The following OTX1 variants were observed in gnomAD, a reference collection of about 807,000 sequenced individuals.
OTX1 encodes orthodenticle homeobox 1, also known as homeobox protein OTX1.
A neutral mutation model predicts 26.7 loss-of-function variants in OTX1; 7 were observed. The observed-to-expected ratio is 0.26, with a 90% CI of 0.15 to 0.49. The LOEUF is 0.49. OTX1 is among the 20% of genes least tolerant of loss of function. The pLI, the probability that OTX1 is intolerant of heterozygous loss-of-function variation, is 0.98. For missense variants in OTX1, 414 were observed against 483.8 expected (o/e 0.86, Z 1.35); for synonymous variants, 216 against 212.8 (o/e 1.01, Z -0.13).
intron 3 of OTX1, 112 bp from the exon 4 acceptor site, chr2:63,053,935 G>T (rs778923519): frequency 6.3e-6 from 8 of 1,269,196 alleles, no homozygotes; most frequent in Non-Finnish European, 8.5e-6. Context: ...TTCCCAGTTC[G>T]GCTTTCTTTT....
In OTX1 at chr2:63,056,106, G is replaced by A. The variant is rs1481294583; in HGVS notation, c.855G>A (p.Pro285=). The A allele has an allele frequency of 6.2e-7, 1 of 1,613,672 alleles. No individual in the cohort carries two copies. Among genetic ancestry groups the A allele is most frequent in the South Asian group, 1.1e-5 (1 of 91,054 alleles). ...HHHHHPHAHH[P]LSQSSGHHHH... ...ATCACCACCCACATGCGCACCACCC[G>A]TTGAGCCAGTCCTCAGGCCACCACC... Residue 285 remains proline (P), a synonymous_variant, in exon 5 of 5, where the codon CCG becomes CCA. Coordinates refer to ENST00000282549, the MANE Select transcript of OTX1 (RefSeq NM_014562.4).
chr2:63,053,958 A>G, intron 3 of OTX1, 89 bp from the exon 4 acceptor site: 5 of 1,462,094 alleles, frequency 3.4e-6, no homozygotes, highest in Non-Finnish European at 4.6e-6. Flanking sequence ...GAAGGCCGAG[A>G]TCTGGGCCTG....
chr2:63,054,330 T>C (rs2062048516), intron 4 of OTX1, 132 bp downstream of exon 4: 1 of 861,134 alleles, frequency 1.2e-6, no homozygotes, highest in Non-Finnish European at 1.6e-6. Context: ...GCAGCCGCTC[T>C]CGGACTCCCC....
chr2:63,051,018 C>T (rs1477174545), intron 1 of OTX1, 121 bp downstream of exon 1: 2 of 152,462 alleles, frequency 1.3e-5, no homozygotes, highest in Admixed American at 6.5e-5. Context: ...CTCTGCCCCT[C>T]GAATTCCCCC....
At position 63,056,009 on chromosome 2, in the gene OTX1, C is replaced by T; in HGVS notation, c.758C>T (p.Ala253Val). 1 of 1,614,080 alleles carries T rather than the reference C, an allele frequency of 6.2e-7. No individual in the cohort carries two copies. The highest frequency in any genetic ancestry group is 8.5e-7 in the Non-Finnish European group (1 of 1,180,044). The change falls in exon 5 of 5, where the codon GCG becomes GTG. Residue 253 changes from alanine (A) to valine (V), a missense_variant. This residue lies in a region of OTX1 where 320 missense variants were observed against 347.9 expected (regional missense o/e 0.92). Transcript: ENST00000282549. ...GGCGTGGACTGCAGCTCATACCTAGCGCCCATGCACTCACATCACCACCCG... is the reference window on the plus strand; with the variant it reads ...GGCGTGGACTGCAGCTCATACCTAGTGCCCATGCACTCACATCACCACCCG... ...FGGVDCSSYL[A>V]PMHSHHHPHQ... is the part of the protein sequence containing the mutation.
chr2:63,054,655 C>T (rs1235063592), intron 4 of OTX1, among the ~76,000 whole-genome samples: 1 of 152,072 alleles, frequency 6.6e-6, no homozygotes, highest in Non-Finnish European at 1.5e-5. Context: ...CTGCCTGGGT[C>T]TCATTAGACG....
At position 63,056,580 on chromosome 2, in the gene OTX1, T is replaced by C. The variant is rs760658342; in HGVS notation, c.*264T>C. The C allele has an allele frequency of 1.8e-4, 97 of 536,172 alleles. No individual in the cohort carries two copies. Among genetic ancestry groups the C allele is most frequent in the Admixed American group, 6.0e-4 (19 of 31,610 alleles). 33.2% of individuals were successfully genotyped at this position (536,172 alleles called of 1,614,324 possible). ...CATTCTATACAGGAGAGATGTATTA[T>C]TTCCCCCCTTCAGCCCCTACTAAAC... is the stretch of plus-strand genomic sequence containing the variant. On this transcript the variant is annotated 3_prime_UTR_variant, in exon 5 of 5. Coordinates refer to ENST00000282549, the MANE Select transcript of OTX1 (RefSeq NM_014562.4).
chr2:63,056,582 T>TC lies in OTX1; in HGVS notation c.*272dup, dbSNP rs1286949420. Reference sequence around the variant, plus strand: ...TTCTATACAGGAGAGATGTATTATTTCCCCCCTTCAGCCCCTACTAAACTC... The same window carrying TC: ...TTCTATACAGGAGAGATGTATTATTTCCCCCCCTTCAGCCCCTACTAAACTC... On this transcript the variant is annotated 3_prime_UTR_variant, in exon 5 of 5. Transcript: ENST00000282549. 8.2e-5 allele frequency: 43 copies of TC among 526,028 alleles called. No individual in the cohort carries two copies. In the South Asian group the frequency reaches 9.5e-4, roughly 12 times the overall value. 32.6% of individuals were successfully genotyped at this position (526,028 alleles called of 1,614,324 possible).
intron 4 of OTX1, 88 bp downstream of exon 4, chr2:63,054,286 G>C: frequency 7.5e-7 from 1 of 1,327,790 alleles, no homozygotes; most frequent in Non-Finnish European, 9.9e-7. Context: ...AGTTCTTGAG[G>C]AGACCATCCT....
At chr2:63,051,194 C>A (rs1437593965) in intron 1 of OTX1, 55 bp from the exon 2 acceptor site, 2 of 152,490 alleles carry the variant, frequency 1.3e-5, no homozygotes, top group African/African-American at 4.8e-5. Flanking sequence ...AAGAAAGAAA[C>A]CTGGGGGTCC....
At position 63,054,110 on chromosome 2, in the gene OTX1, A is replaced by G; in HGVS notation, c.161A>G (p.Glu54Gly). ...TFTRSQLDVL[E>G]ALFAKTRYPD... ...ACGCGTTCACAGCTGGACGTGCTCG[A>G]GGCGCTCTTCGCCAAGACTCGCTAC... The change falls in exon 4 of 5, where the codon GAG becomes GGG. Residue 54 changes from glutamate to glycine, a missense_variant. Transcript: ENST00000282549. The G allele has an allele frequency of 6.2e-7, 1 of 1,612,206 alleles. No homozygotes were observed. The highest frequency in any genetic ancestry group is 8.5e-7 in the Non-Finnish European group (1 of 1,179,278).
intron 2 of OTX1, 65 bp downstream of exon 2, chr2:63,051,382 T>A (rs1432350110): frequency 1.3e-5 from 2 of 152,220 alleles, no homozygotes; most frequent in African/African-American, 4.8e-5. Context: ...TATCTCCCCC[T>A]CCTCAAATGG....
At chr2:63,051,693 A>T (rs916883748) in intron 2 of OTX1, 4 of 152,702 alleles carry the variant, frequency 2.6e-5, no homozygotes, top group African/African-American at 9.6e-5. Flanking sequence ...GGGTCCCAGA[A>T]GACGGGGGCG....
chr2:63,054,362 G>A (rs1283895571), intron 4 of OTX1, among the ~76,000 whole-genome samples, 164 bp downstream of exon 4: 1 of 152,254 alleles, frequency 6.6e-6, no homozygotes, highest in South Asian at 2.1e-4. Flanking sequence ...CCCCAGCCAG[G>A]AAAGGGGGCA....
chr2:63,053,843 A>C, intron 3 of OTX1: 1 of 591,396 alleles, frequency 1.7e-6, no homozygotes. Context: ...CGAATCTTGG[A>C]GACACTGGCT....
At chr2:63,051,783 A>T (rs2062028827) in intron 2 of OTX1, 1 of 152,514 alleles carries the variant, frequency 6.6e-6, no homozygotes, top group African/African-American at 2.4e-5. Flanking sequence ...CTTGCTTCAC[A>T]GCGATCCCGC....
chr2:63,056,370 C>T lies in OTX1; in HGVS notation c.*54C>T. 2 of 1,473,302 alleles carry T rather than the reference C, an allele frequency of 1.4e-6. No individual in the cohort carries two copies. The highest frequency in any genetic ancestry group is 1.9e-6 in the Non-Finnish European group (2 of 1,073,440). The allele number at this position is 1,473,302 out of a possible 1,614,324, so 91.3% of individuals were successfully genotyped here. Reference sequence around the variant, plus strand: ...CAACTACCTGCGCCCTCCGTGGTCCCGATCCTGTTGCTGCTGCTGCACCGC... The same window carrying T: ...CAACTACCTGCGCCCTCCGTGGTCCTGATCCTGTTGCTGCTGCTGCACCGC... On this transcript the variant is annotated 3_prime_UTR_variant, in exon 5 of 5. Transcript: ENST00000282549.
Position 63,054,215 on chromosome 2 carries a change from C to T in OTX1, c.249+17C>T, listed in dbSNP as rs2062047642. On this transcript the variant is annotated intron_variant, in intron 4 of 4. Coordinates refer to ENST00000282549, the MANE Select transcript of OTX1 (RefSeq NM_014562.4). Reference sequence around the variant, plus strand: ...AGAGTCCAGGTGCGCACTCCCCGGGCTCCAGGGTCTGGGTAGGGGAGCTGA... The same window carrying T: ...AGAGTCCAGGTGCGCACTCCCCGGGTTCCAGGGTCTGGGTAGGGGAGCTGA... The T allele has an allele frequency of 1.3e-6, 2 of 1,573,022 alleles. No individual in the cohort carries two copies. The highest frequency in any genetic ancestry group is 1.2e-5 in the South Asian group (1 of 84,546).
intron 1 of OTX1, 32 bp from the exon 2 acceptor site, chr2:63,051,217 C>T (rs1159516706): frequency 6.6e-6 from 1 of 152,388 alleles, no homozygotes; most frequent in Admixed American, 6.5e-5. Context: ...GACCAGCCGC[C>T]AGGGTAATTC....
Sources: gnomAD v4.1 joint callset for allele counts (sites outside exome capture counted in the v4.1 genomes callset) on GRCh38, gnomAD v4.1.1 for gene constraint, gnomAD v4.1.1 regional missense constraint, MANE v1.5 for transcripts, NCBI Gene and HGNC (gene_info 2026-07-23, HGNC 2026-07-21) for gene names.